The following CARS2 variants were observed in gnomAD, a reference collection of about 807,000 sequenced individuals.
CARS2 encodes cysteinyl-tRNA synthetase 2, mitochondrial.
A neutral mutation model predicts 68.8 loss-of-function variants in CARS2; 52 were observed. The observed-to-expected ratio is 0.76, with a 90% CI of 0.61 to 0.95. The LOEUF is 0.95. CARS2 is among the 40% of genes least tolerant of loss of function. CARS2 has a pLI of 0.00. For synonymous variants in CARS2, 314 were observed against 303.6 expected (o/e 1.03, Z -0.36); for missense variants, 780 against 754.2 (o/e 1.03, Z -0.40).
chr13:110,658,691 G>A (rs1383337319), intron 9 of CARS2, among the ~76,000 whole-genome samples: 1 of 152,206 alleles, frequency 6.6e-6, no homozygotes, highest in Non-Finnish European at 1.5e-5. Context: ...GGGAGGCTGA[G>A]GCAGGTGGAT....
At chr13:110,644,070 C>T (rs1594208949) in intron 13 of CARS2, 1 of 1,280,128 alleles carries the variant, frequency 7.8e-7, no homozygotes, top group East Asian at 5.1e-5. Context: ...CTTACTGTGC[C>T]TGTGACTTCT....
intron 7 of CARS2, among the ~76,000 whole-genome samples, chr13:110,675,570 G>T (rs774441821): frequency 1.1e-4 from 17 of 152,128 alleles, no homozygotes; most frequent in Non-Finnish European, 2.5e-4. Context: ...GGGTGGGGGA[G>T]TGGGGAGGGA....
chr13:110,656,641 T>G (rs1363936896), intron 9 of CARS2, among the ~76,000 whole-genome samples: 2 of 152,126 alleles, frequency 1.3e-5, no homozygotes, highest in East Asian at 3.9e-4. Context: ...GCCCAGCACT[T>G]TGGGAGGCCG....
At position 110,670,975 on chromosome 13, in the gene CARS2, T is replaced by C. The variant is rs2062787923; in HGVS notation, c.786-3502A>G. On this transcript the variant is annotated intron_variant, in intron 7 of 14. Coordinates refer to ENST00000257347, the MANE Select transcript of CARS2 (RefSeq NM_024537.4). This position sits in a 1 kb window ranked among gnomAD's most constrained non-coding sequence, Gnocchi z 4.1. Reference sequence around the variant, plus strand: ...AAGAAAGGGTATCAGTGATTGAAGATCAAATGAATGAAATGAAGCAGGAAG... The same window carrying C: ...AAGAAAGGGTATCAGTGATTGAAGACCAAATGAATGAAATGAAGCAGGAAG... 6.6e-6 allele frequency among the ~76,000 whole-genome samples: 1 copy of C among 151,794 alleles called. No individual in the cohort carries two copies.
intron 11 of CARS2, chr13:110,646,401 T>G (rs1362545141): frequency 3.2e-5 from 7 of 217,382 alleles, no homozygotes; most frequent in Non-Finnish European, 6.3e-5. Flanking sequence ...CAAGGAAGAC[T>G]CGGTGGGGGA....
At position 110,642,541 on chromosome 13, in the gene CARS2, G is replaced by T; in HGVS notation, c.1417-20C>A. On this transcript the variant is annotated intron_variant, in intron 13 of 14. Coordinates refer to ENST00000257347, the MANE Select transcript of CARS2 (RefSeq NM_024537.4). ...AACGTACTGAAGCCAGCAGGGCGCGGTTACGTCCCCCGGAGACTGTGGATT... is the reference window on the plus strand; with the variant it reads ...AACGTACTGAAGCCAGCAGGGCGCGTTTACGTCCCCCGGAGACTGTGGATT... 6.2e-7 allele frequency: 1 copy of T among 1,607,056 alleles called. No homozygotes were observed. Among genetic ancestry groups the T allele is most frequent in the Non-Finnish European group, 8.5e-7 (1 of 1,176,644 alleles).
intron 6 of CARS2, 130 bp downstream of exon 6, chr13:110,682,921 A>C: frequency 1.9e-6 from 1 of 530,350 alleles, no homozygotes. Context: ...TAAATTTAAA[A>C]CACAGCTGTG....
At chr13:110,669,709 C>T (rs1007099412) in intron 7 of CARS2, among the ~76,000 whole-genome samples, 1 of 152,082 alleles carries the variant, frequency 6.6e-6, no homozygotes, top group Non-Finnish European at 1.5e-5. Context: ...CTCACTGGGG[C>T]TCGTCAGACA....
upstream of CARS2, among the ~76,000 whole-genome samples, chr13:110,709,219 T>C (rs1322980653): frequency 1.3e-5 from 2 of 151,626 alleles, no homozygotes; most frequent in African/African-American, 4.9e-5. Flanking sequence ...GCTTGTCTCC[T>C]GAGTAGCTGG....
At chr13:110,697,672 G>A (rs1267435287) in intron 3 of CARS2, among the ~76,000 whole-genome samples, 2 of 152,200 alleles carry the variant, frequency 1.3e-5, no homozygotes, top group African/African-American at 4.8e-5. Flanking sequence ...CTAACTCCTG[G>A]GCTTAAGTGA....
intron 5 of CARS2, among the ~76,000 whole-genome samples, chr13:110,686,146 AT>A (rs2063299095): frequency 6.6e-6 from 1 of 151,964 alleles, no homozygotes; most frequent in Admixed American, 6.6e-5. Context: ...GAAATTCTTC[AT>A]TGTCTGAGGT....
intron 3 of CARS2, among the ~76,000 whole-genome samples, chr13:110,698,285 C>T (rs552307790): frequency 4.0e-5 from 6 of 151,644 alleles, no homozygotes; most frequent in Admixed American, 6.6e-5. Flanking sequence ...TTTGGGAGGC[C>T]GAGGAGGGCG....
intron 6 of CARS2, 95 bp downstream of exon 6, chr13:110,682,956 C>T: frequency 1.4e-6 from 1 of 710,912 alleles, no homozygotes; most frequent in East Asian, 3.0e-5. Flanking sequence ...AGTGTCTGAG[C>T]AAGTGGAGGG....
intron 3 of CARS2, among the ~76,000 whole-genome samples, chr13:110,692,148 A>C (rs2063487994): frequency 6.6e-6 from 1 of 150,846 alleles, no homozygotes; most frequent in Non-Finnish European, 1.5e-5. Flanking sequence ...ATGAGAAAAC[A>C]AAAACCTTCT....
chr13:110,682,516 CTT>C (rs1047140774), intron 6 of CARS2, among the ~76,000 whole-genome samples: 1 of 152,204 alleles, frequency 6.6e-6, no homozygotes, highest in African/African-American at 2.4e-5. Flanking sequence ...CCCTGTTATT[CTT>C]GTTTGATTCC....
upstream of CARS2, among the ~76,000 whole-genome samples, chr13:110,709,598 C>T (rs140487398): frequency 8.2e-4 from 125 of 152,282 alleles, 1 homozygote; most frequent in East Asian, 0.022. Flanking sequence ...GTGCTTCCTG[C>T]CCTCGAACAT....
chr13:110,659,796 T>C (rs1006054676), intron 9 of CARS2, among the ~76,000 whole-genome samples: 1 of 152,230 alleles, frequency 6.6e-6, no homozygotes, highest in African/African-American at 2.4e-5. Context: ...GTGGAAGGTT[T>C]TGATTCAATA....
chr13:110,643,563 G>A (rs1887685148), intron 13 of CARS2: 1 of 153,860 alleles, frequency 6.5e-6, no homozygotes. Flanking sequence ...GGGGTGCTGG[G>A]CAGCTGGTCT....
At chr13:110,693,655 G>T (rs1296069897) in intron 3 of CARS2, among the ~76,000 whole-genome samples, 2 of 152,030 alleles carry the variant, frequency 1.3e-5, no homozygotes, top group East Asian at 3.9e-4. Context: ...CACCGTGTCC[G>T]GCTGGAAACT....
Sources: gnomAD v4.1 joint callset for allele counts (sites outside exome capture counted in the v4.1 genomes callset) on GRCh38, gnomAD v4.1.1 for gene constraint, Gnocchi (gnomAD v3.1) non-coding constraint, MANE v1.5 for transcripts, NCBI Gene and HGNC (gene_info 2026-07-23, HGNC 2026-07-21) for gene names.